Variants in DLG2 observed in about 807,000 individuals in gnomAD.
DLG2 encodes disks large homolog 2.
DLG2 carries 45 observed loss-of-function variants against 132.5 expected under a neutral mutation model. That is an observed-to-expected ratio of 0.34 (90% CI 0.27 to 0.44). DLG2 has a LOEUF of 0.44. Ranked by LOEUF, DLG2 falls within the 20% of genes least tolerant of loss-of-function variation. The pLI is 1.00. For missense variants in DLG2, 1,045 were observed against 1,196.9 expected (o/e 0.87, Z 1.87); for synonymous variants, 424 against 419.6 (o/e 1.01, Z -0.13).
intron 3 of DLG2, among the ~76,000 whole-genome samples, chr11:85,401,905 G>A (rs1458802035): frequency 1.3e-5 from 2 of 151,974 alleles, no homozygotes; most frequent in South Asian, 2.1e-4. Flanking sequence ...TGTGAAAATG[G>A]CCATACTGCC....
At chr11:83,722,304 TAAG>T (rs1234108615) in intron 18 of DLG2, among the ~76,000 whole-genome samples, 1 of 152,136 alleles carries the variant, frequency 6.6e-6, no homozygotes, top group Non-Finnish European at 1.5e-5. Flanking sequence ...GTGCCAAGCA[TAAG>T]AAGACATGGT....
intron 3 of DLG2, among the ~76,000 whole-genome samples, chr11:85,357,242 G>C (rs1235116487): frequency 2.0e-5 from 2 of 100,662 alleles, no homozygotes; most frequent in African/African-American, 9.4e-5. Context: ...TCCTCTTTGT[G>C]TGTGTGTGTG....
intron 6 of DLG2, 40 bp from the exon 7 acceptor site, chr11:84,534,771 A>G (rs780972261): frequency 2.5e-6 from 4 of 1,599,050 alleles, no homozygotes; most frequent in Non-Finnish European, 3.4e-6. Context: ...TGTATATATC[A>G]GTGTTTGTAA....
At chr11:85,215,010 G>A (rs928069820) in intron 4 of DLG2, among the ~76,000 whole-genome samples, 1 of 152,098 alleles carries the variant, frequency 6.6e-6, no homozygotes, top group East Asian at 1.9e-4. Context: ...GTATTCTGAC[G>A]AACCTATCAC....
chr11:84,316,556 C>T (rs868429187), intron 7 of DLG2, among the ~76,000 whole-genome samples: 35 of 152,092 alleles, frequency 2.3e-4, no homozygotes, highest in Middle Eastern at 3.4e-3. Flanking sequence ...TGCTAAAAGA[C>T]TATGATAAAA....
At chr11:84,202,158 C>T (rs2154299985) in intron 8 of DLG2, among the ~76,000 whole-genome samples, 1 of 151,888 alleles carries the variant, frequency 6.6e-6, no homozygotes, top group East Asian at 1.9e-4. Context: ...CCCAAATAGC[C>T]AAGACAATCC....
intron 18 of DLG2, among the ~76,000 whole-genome samples, chr11:83,645,502 G>A (rs2067902146): frequency 1.3e-5 from 2 of 152,040 alleles, no homozygotes; most frequent in African/African-American, 4.8e-5. Context: ...CTCAGGGAAG[G>A]AAATAATAAA....
chr11:85,435,459 C>T (rs992141246), intron 3 of DLG2, among the ~76,000 whole-genome samples: 1 of 152,128 alleles, frequency 6.6e-6, no homozygotes. Context: ...GCAACTTCAG[C>T]AAAGTCTCAG....
intron 14 of DLG2, among the ~76,000 whole-genome samples, chr11:83,932,814 A>G (rs1388765921): frequency 6.6e-6 from 1 of 152,074 alleles, no homozygotes; most frequent in East Asian, 1.9e-4. Flanking sequence ...ATAAATTCTC[A>G]CAGGTTATAC....
chr11:84,027,585 G>T (rs2095571448), intron 11 of DLG2, among the ~76,000 whole-genome samples: 1 of 152,012 alleles, frequency 6.6e-6, no homozygotes, highest in South Asian at 2.1e-4. Flanking sequence ...AAACATGAAA[G>T]TGTTATAAAC....
chr11:83,823,018 T>C (rs73515149), intron 17 of DLG2, among the ~76,000 whole-genome samples: 7,334 of 152,170 alleles, frequency 0.048, 223 homozygotes, highest in Middle Eastern at 0.085. Flanking sequence ...TTCCTACCTA[T>C]CCTGAAGGTA....
chr11:83,826,003 G>A (rs1299161789), intron 17 of DLG2, among the ~76,000 whole-genome samples: 1 of 152,202 alleles, frequency 6.6e-6, no homozygotes, highest in African/African-American at 2.4e-5. Context: ...GGATGGGGCA[G>A]GCTGTCCAGG....
At chr11:85,077,363 T>C (rs1053700753) in intron 6 of DLG2, among the ~76,000 whole-genome samples, 34 of 151,960 alleles carry the variant, frequency 2.2e-4, no homozygotes, top group African/African-American at 8.2e-4. Flanking sequence ...GAGGCCCACA[T>C]AGGAACTAAA....
At chr11:85,151,720 T>A (rs897436234) in intron 5 of DLG2, among the ~76,000 whole-genome samples, 1 of 152,212 alleles carries the variant, frequency 6.6e-6, no homozygotes, top group African/African-American at 2.4e-5. Context: ...ATTTCTGGGA[T>A]CTACATTCTC....
intron 16 of DLG2, among the ~76,000 whole-genome samples, chr11:83,852,798 A>G (rs1033555899): frequency 6.6e-6 from 1 of 152,172 alleles, no homozygotes; most frequent in South Asian, 2.1e-4. Flanking sequence ...GAGTTTTCTA[A>G]TTCCTTCTTT....
intron 7 of DLG2, among the ~76,000 whole-genome samples, chr11:84,494,221 T>C (rs2099173781): frequency 6.6e-6 from 1 of 152,308 alleles, no homozygotes; most frequent in South Asian, 2.1e-4. Flanking sequence ...AAAGCAAAGA[T>C]AATACATGTG....
chr11:84,089,807 A>G (rs916905400), intron 10 of DLG2, among the ~76,000 whole-genome samples: 1 of 152,178 alleles, frequency 6.6e-6, no homozygotes, highest in Non-Finnish European at 1.5e-5. Context: ...GTCACTTGTC[A>G]GGAAATTGGC....
At chr11:85,167,269 A>C (rs1023949850) in intron 4 of DLG2, among the ~76,000 whole-genome samples, 6 of 152,178 alleles carry the variant, frequency 3.9e-5, no homozygotes, top group African/African-American at 1.4e-4. Flanking sequence ...GGAGTAATCC[A>C]ATTCTATTAA....
At chr11:84,041,059 G>T (rs1026076210) in intron 11 of DLG2, among the ~76,000 whole-genome samples, 2 of 151,618 alleles carry the variant, frequency 1.3e-5, no homozygotes, top group Non-Finnish European at 2.9e-5. Context: ...TGTGATTTTT[G>T]TACATTGATT....
Sources: gnomAD v4.1 joint callset for allele counts (sites outside exome capture counted in the v4.1 genomes callset) on GRCh38, gnomAD v4.1.1 for gene constraint, MANE v1.5 for transcripts, NCBI Gene and HGNC (gene_info 2026-07-23, HGNC 2026-07-21) for gene names.